The following C11orf65 variants were observed in gnomAD, a reference collection of about 807,000 sequenced individuals.
C11orf65 encodes the protein chromosome 11 open reading frame 65.
Under a neutral mutation model 35.3 loss-of-function variants are expected in C11orf65, and 38 were observed. That is an observed-to-expected ratio of 1.08 (90% confidence interval 0.83 to 1.41). The LOEUF (loss-of-function observed/expected upper bound fraction) is 1.41. Ranked by LOEUF, C11orf65 falls within the 40% of genes most tolerant of loss-of-function variation. C11orf65 has a pLI of 0.00. For synonymous variants in C11orf65, 105 were observed against 114.4 expected, an observed-to-expected ratio of 0.92 and a Z score of 0.53; for missense variants, 370 against 367.1, an observed-to-expected ratio of 1.01 and a Z score of -0.06.
intron 3 of C11orf65, among the ~76,000 whole-genome samples, chr11:108,427,613 A>T (rs1261782682): frequency 1.4e-5 from 2 of 141,836 alleles, no homozygotes; most frequent in South Asian, 2.3e-4. Context: ...TCCCAGCTAC[A>T]CGGGAGGCTG....
In C11orf65 at chr11:108,311,293, C is replaced by T. The variant is rs76637316; in HGVS notation, c.641-2222G>A. On this transcript the variant is annotated intron_variant, in intron 6 of 6. Transcript: ENST00000525729. ...CCTGGTCCCAAATTGTTTTTTAAAGCGGTTATACCCATTTGTGTACAGAAA... is the reference window on the plus strand; with the variant it reads ...CCTGGTCCCAAATTGTTTTTTAAAGTGGTTATACCCATTTGTGTACAGAAA... Among the ~76,000 whole-genome samples, 1,145 of 152,102 alleles carry T rather than the reference C, an allele frequency of 7.5e-3. 8 individuals are homozygous for T. Among genetic ancestry groups the T allele is most frequent in the African/African-American group, 0.024 (1,010 of 41,456 alleles).
At chr11:108,437,684 T>A (rs2093082598) in intron 2 of C11orf65, among the ~76,000 whole-genome samples, 1 of 115,968 alleles carries the variant, frequency 8.6e-6, no homozygotes, top group Non-Finnish European at 1.6e-5. Flanking sequence ...CACTCCAGCC[T>A]GGTGACAGGT....
intron 2 of C11orf65, chr11:108,368,866 A>C (rs2091462735): frequency 5.0e-6 from 1 of 199,654 alleles, no homozygotes; most frequent in Non-Finnish European, 1.0e-5. Flanking sequence ...ATATGGTCTA[A>C]AGCAAATAAA....
At chr11:108,330,398 T>C (rs754245181), downstream of C11orf65, 1 of 1,614,146 alleles carries the variant, frequency 6.2e-7, no homozygotes, top group Non-Finnish European at 8.5e-7. Context: ...TTCTGGAGTT[T>C]CTGAAGTCAA....
At chr11:108,444,815 C>T (rs1483720132) in intron 2 of C11orf65, among the ~76,000 whole-genome samples, 3 of 152,186 alleles carry the variant, frequency 2.0e-5, no homozygotes, top group Admixed American at 1.3e-4. Flanking sequence ...CATTGCCTCA[C>T]TCCGGCAGCG....
rs79938663 is a variant in C11orf65, at chr11:108,389,641, T to C, written c.731+3567A>G. Among the ~76,000 whole-genome samples the C allele has an allele frequency of 4.3e-3, 656 of 152,270 alleles. 5 individuals are homozygous for C. Among genetic ancestry groups the C allele is most frequent in the East Asian group, 0.011 (55 of 5,180 alleles). ...CCCACTCCTATATGCTATGAAGAAA[T>C]TGCTTCAAGTCTTACTGGTTTATCC... is the stretch of plus-strand genomic sequence containing the variant. On this transcript the variant is annotated intron_variant, in intron 7 of 8. Transcript: ENST00000393084.
chr11:108,406,416 C>T (rs1427959492), intron 5 of C11orf65, among the ~76,000 whole-genome samples: 1 of 152,104 alleles, frequency 6.6e-6, no homozygotes, highest in Non-Finnish European at 1.5e-5. Flanking sequence ...GCTGGGATTA[C>T]AGGCATGAGC....
chr11:108,331,637 T>C lies in C11orf65; in HGVS notation c.300-70A>G, dbSNP rs987012334. 2.1e-6 allele frequency: 3 copies of C among 1,420,208 alleles called. No homozygotes were observed. The Admixed American group carries it at 8.2e-5, about 39-fold the overall frequency. The allele number at this position is 1,420,208 out of a possible 1,614,324, so 88.0% of individuals were successfully genotyped here. On this transcript the variant is annotated intron_variant, in intron 3 of 3. Transcript: ENST00000524755. ...TATATTATATAAAGTATATATACCA[T>C]TCCCTCTAAGAAATGGAAATACAAA... is the stretch of plus-strand genomic sequence containing the variant.
intron 2 of C11orf65, among the ~76,000 whole-genome samples, chr11:108,459,257 A>T (rs565469360): frequency 3.7e-4 from 56 of 151,428 alleles, no homozygotes; most frequent in Admixed American, 6.6e-4. Context: ...ATTTTTTTTT[A>T]AAAAAGAGAT....
At chr11:108,350,330 G>A (rs1389597870) in intron 2 of C11orf65, among the ~76,000 whole-genome samples, 2 of 152,168 alleles carry the variant, frequency 1.3e-5, no homozygotes, top group Non-Finnish European at 2.9e-5. Context: ...CTACCCCTGG[G>A]CTGAGTTAGG....
At chr11:108,317,123 AGAGACAGGTCTTGGTTT>A (rs2084737163) in intron 6 of C11orf65, among the ~76,000 whole-genome samples, 1 of 149,104 alleles carries the variant, frequency 6.7e-6, no homozygotes, top group African/African-American at 2.5e-5. Flanking sequence ...AAAAAATTGT[AGAGACAGGTCTTGGTTT>A]GTTGTCCAGG....
At chr11:108,345,582 T>C (rs1433729599) in intron 2 of C11orf65, among the ~76,000 whole-genome samples, 6 of 152,212 alleles carry the variant, frequency 3.9e-5, no homozygotes, top group Admixed American at 3.9e-4. Flanking sequence ...TTATCACTTG[T>C]AATTAATTGC....
At chr11:108,371,135 CAT>C in intron 2 of C11orf65, among the ~76,000 whole-genome samples, 1 of 152,226 alleles carries the variant, frequency 6.6e-6, no homozygotes, top group South Asian at 2.1e-4. Context: ...GGGACAGAAA[CAT>C]AGGAGAGAAG....
Position 108,320,194 on chromosome 11 carries a change from T to C in C11orf65, c.641-11123A>G, listed in dbSNP as rs185161595. On this transcript the variant is annotated intron_variant, in intron 6 of 6. Coordinates refer to the C11orf65 transcript ENST00000525729. ...AGACTTGGTGGCTGTGATCAGATGT[T>C]TCCTTGTAATTCTCTGCCCTCCTTC... The C allele has an allele frequency of 4.5e-5, 31 of 685,224 alleles. No individual in the cohort carries two copies. In the African/African-American group the frequency reaches 4.9e-4, roughly 11 times the overall value. 42.4% of individuals were successfully genotyped at this position (685,224 alleles called of 1,614,324 possible). A position where few individuals can be genotyped will look rare whatever the true frequency, so the allele number is the denominator to read the frequency against.
chr11:108,446,113 C>T (rs1352960912), intron 2 of C11orf65, among the ~76,000 whole-genome samples: 1 of 152,052 alleles, frequency 6.6e-6, no homozygotes, highest in Non-Finnish European at 1.5e-5. Context: ...ACAAAGCCTC[C>T]AAGAAATATG....
chr11:108,331,756 C>A, intron 3 of C11orf65: 1 of 1,311,982 alleles, frequency 7.6e-7, no homozygotes, highest in South Asian at 1.3e-5. Context: ...CACATGCAGG[C>A]ATACACGCTC....
intron 2 of C11orf65, among the ~76,000 whole-genome samples, chr11:108,344,796 G>A (rs191399188): frequency 6.6e-6 from 1 of 152,162 alleles, no homozygotes; most frequent in East Asian, 1.9e-4. Flanking sequence ...TTGAGCCCAG[G>A]AGTTTAAGAC....
Position 108,421,641 on chromosome 11 carries a change from G to C in C11orf65, c.174+10105C>G, listed in dbSNP as rs2092818715. Among the ~76,000 whole-genome samples, 3 of 152,262 alleles carry C rather than the reference G, an allele frequency of 2.0e-5. No individual in the cohort carries two copies. The South Asian group carries it at 6.2e-4, about 32-fold the overall frequency. ...CCACTGCACTCCAGTCTGGGTGACA[G>C]AGCAAGACTCCATCTCAAAAACAAA... On this transcript the variant is annotated intron_variant, in intron 3 of 8. Coordinates refer to ENST00000393084, the MANE Select transcript of C11orf65 (RefSeq NM_152587.5).
chr11:108,440,466 G>A (rs2093134036), intron 2 of C11orf65, among the ~76,000 whole-genome samples: 1 of 152,184 alleles, frequency 6.6e-6, no homozygotes, highest in Non-Finnish European at 1.5e-5. Flanking sequence ...CATTCTAGCT[G>A]TCAGCTAGGT....
Sources: gnomAD v4.1 joint callset for allele counts (sites outside exome capture counted in the v4.1 genomes callset) on GRCh38, gnomAD v4.1.1 for gene constraint, MANE v1.5 for transcripts, NCBI Gene and HGNC (gene_info 2026-07-23, HGNC 2026-07-21) for gene names.